Variants in ATRNL1 observed in about 807,000 individuals in gnomAD.
ATRNL1 encodes attractin-like protein 1.
ATRNL1 carries 95 observed loss-of-function variants against 182.7 expected under a neutral mutation model. That is an observed-to-expected ratio of 0.52 (90% CI 0.44 to 0.62). ATRNL1 has a LOEUF of 0.62. Among genes scored for constraint, ATRNL1 ranks in the 20% least tolerant of loss-of-function variants. The pLI, the probability that ATRNL1 is intolerant of heterozygous loss-of-function variation, is 0.00. For missense variants in ATRNL1, 1,471 were observed against 1,679.5 expected (o/e 0.88, Z 2.17); for synonymous variants, 576 against 568.3 (o/e 1.01, Z -0.19).
intron 27 of ATRNL1, among the ~76,000 whole-genome samples, chr10:115,770,098 A>C (rs1948950835): frequency 6.6e-6 from 1 of 152,088 alleles, no homozygotes; most frequent in African/African-American, 2.4e-5. Flanking sequence ...TTCAGGTTTC[A>C]GAAAACCTGG....
intron 8 of ATRNL1, among the ~76,000 whole-genome samples, chr10:115,208,334 CTT>C (rs2144358122): frequency 6.6e-6 from 1 of 151,980 alleles, no homozygotes; most frequent in Admixed American, 6.6e-5. Flanking sequence ...GGATGATTTT[CTT>C]TTTGTTATGA....
chr10:115,324,252 C>A (rs28705057), intron 18 of ATRNL1, among the ~76,000 whole-genome samples: 1,967 of 152,192 alleles, frequency 0.013, 38 homozygotes, highest in African/African-American at 0.044. Flanking sequence ...TGGTGTGCTG[C>A]AGATTTACGT....
intron 27 of ATRNL1, among the ~76,000 whole-genome samples, chr10:115,771,509 C>T (rs1051489569): frequency 3.1e-4 from 47 of 152,284 alleles, no homozygotes; most frequent in African/African-American, 1.1e-3. Flanking sequence ...GGATTACAGG[C>T]GTGAGCCACC....
intron 26 of ATRNL1, among the ~76,000 whole-genome samples, chr10:115,559,789 A>G (rs1163991425): frequency 3.3e-5 from 5 of 152,216 alleles, no homozygotes; most frequent in Non-Finnish European, 7.3e-5. Context: ...CACATCTGGC[A>G]TCATACTTAA....
intron 26 of ATRNL1, among the ~76,000 whole-genome samples, chr10:115,620,170 A>T (rs1053361927): frequency 6.6e-6 from 1 of 152,210 alleles, no homozygotes; most frequent in African/African-American, 2.4e-5. Context: ...AGGAAGGGAA[A>T]TCATGGCAGA....
chr10:115,602,370 TA>T (rs1177770895), intron 26 of ATRNL1, among the ~76,000 whole-genome samples: 1 of 152,004 alleles, frequency 6.6e-6, no homozygotes, highest in African/African-American at 2.4e-5. Context: ...GTAAATAAAG[TA>T]AAAGGAAAAC....
At chr10:115,376,128 C>T (rs1194170148) in intron 19 of ATRNL1, among the ~76,000 whole-genome samples, 2 of 151,628 alleles carry the variant, frequency 1.3e-5, no homozygotes, top group Non-Finnish European at 2.9e-5. Flanking sequence ...GTGTTTTTTT[C>T]CTGTAAGCAA....
intron 24 of ATRNL1, among the ~76,000 whole-genome samples, chr10:115,474,318 T>C (rs1308148559): frequency 2.0e-5 from 3 of 151,412 alleles, no homozygotes; most frequent in Non-Finnish European, 4.4e-5. Flanking sequence ...AGAAATCTGT[T>C]GATATCCTTA....
At chr10:115,205,639 T>A (rs1469427936) in intron 8 of ATRNL1, among the ~76,000 whole-genome samples, 2 of 152,026 alleles carry the variant, frequency 1.3e-5, no homozygotes, top group Non-Finnish European at 2.9e-5. Flanking sequence ...CTCTTTGTAA[T>A]TTTTAAGTGA....
chr10:115,297,513 T>C (rs190522151), intron 15 of ATRNL1, among the ~76,000 whole-genome samples: 1,779 of 151,836 alleles, frequency 0.012, 33 homozygotes, highest in African/African-American at 0.04. Context: ...GGCGTGGTGG[T>C]GGGTGCCTGT....
rs1483104804 is a variant in ATRNL1 at position 115,364,523 on chromosome 10, C to T, written c.3175+30104C>T. Among the ~76,000 whole-genome samples the T allele has an allele frequency of 1.4e-4, 20 of 147,808 alleles. 1 individual carries two copies. Among genetic ancestry groups the T allele is most frequent in the Middle Eastern group, 3.5e-3 (1 of 288 alleles). Reference sequence around the variant, plus strand: ...GAATACCCTTTATTTCCTTCTCCTGCCTAATTGCCCTGGCCAGAACTTCCA... The same window carrying T: ...GAATACCCTTTATTTCCTTCTCCTGTCTAATTGCCCTGGCCAGAACTTCCA... On this transcript the variant is annotated intron_variant, in intron 19 of 28. Coordinates refer to ENST00000355044, the MANE Select transcript of ATRNL1 (RefSeq NM_207303.4).
chr10:115,636,022 G>A (rs1216709233), intron 26 of ATRNL1, among the ~76,000 whole-genome samples: 4 of 152,158 alleles, frequency 2.6e-5, no homozygotes, highest in African/African-American at 9.7e-5. Flanking sequence ...AGAATATGAG[G>A]AGGGCTTTTG....
chr10:115,568,868 C>T (rs1468718779), intron 26 of ATRNL1, among the ~76,000 whole-genome samples: 2 of 151,928 alleles, frequency 1.3e-5, no homozygotes, highest in African/African-American at 4.8e-5. Context: ...ATTATCTATC[C>T]TTCCAGGTTT....
rs572743389 is a variant in ATRNL1 at position 115,856,428 on chromosome 10, C to CAAAAAAAAAAAAAAAAAA, written c.4018+8442_4018+8459dup. ...GGGCAACAAGAGCGAAGCTCCATCT[C>CAAAAAAAAAAAAAAAAAA]AAAAAAAAAAAAAAAAAAAAAAGCC... On this transcript the variant is annotated intron_variant, in intron 28 of 28. Transcript: ENST00000355044. Among the ~76,000 whole-genome samples the CAAAAAAAAAAAAAAAAAA allele has an allele frequency of 5.8e-3, 130 of 22,536 alleles. 48 individuals carry two copies. The highest frequency in any genetic ancestry group is 0.019 in the East Asian group (12 of 636). The allele number at this position is 22,536 out of a possible 152,430, so 14.8% of individuals were successfully genotyped here. A position where few individuals can be genotyped will look rare whatever the true frequency, so the allele number is the denominator to read the frequency against.
intron 26 of ATRNL1, among the ~76,000 whole-genome samples, chr10:115,719,327 T>C (rs12258300): frequency 0.01 from 1,556 of 152,312 alleles, 26 homozygotes; most frequent in African/African-American, 0.035. Flanking sequence ...AAATGAGATA[T>C]GTGATCAAGT....
intron 20 of ATRNL1, among the ~76,000 whole-genome samples, chr10:115,403,168 TTTCTAGAACAGA>T (rs2134309593): frequency 6.6e-6 from 1 of 152,168 alleles, no homozygotes; most frequent in South Asian, 2.1e-4. Context: ...TGTGCCTTCT[TTTCTAGAACAGA>T]TTCTGGCACA....
chr10:115,358,621 A>G (rs983826507), intron 19 of ATRNL1, among the ~76,000 whole-genome samples: 1 of 151,586 alleles, frequency 6.6e-6, no homozygotes, highest in East Asian at 1.9e-4. Context: ...TAGTATACCT[A>G]TTTTAGTTAT....
At chr10:115,688,690 T>A (rs900049921) in intron 26 of ATRNL1, among the ~76,000 whole-genome samples, 1 of 152,172 alleles carries the variant, frequency 6.6e-6, no homozygotes, top group South Asian at 2.1e-4. Context: ...TTGTTTGAGT[T>A]CCTTATATAT....
intron 23 of ATRNL1, among the ~76,000 whole-genome samples, chr10:115,467,495 A>G (rs1848109453): frequency 6.6e-6 from 1 of 150,904 alleles, no homozygotes; most frequent in Non-Finnish European, 1.5e-5. Context: ...TTAAATTTTT[A>G]AGTGGCAGTG....
Sources: allele counts gnomAD v4.1 joint callset (sites outside exome capture counted in the v4.1 genomes callset), GRCh38; gene constraint gnomAD v4.1.1; transcripts MANE v1.5; gene names NCBI Gene and HGNC (gene_info 2026-07-23, HGNC 2026-07-21).